Variants in MYOF observed in about 807,000 individuals in gnomAD.
The protein encoded by MYOF is fer-1-like 3, myoferlin.
A neutral mutation model predicts 284.2 loss-of-function variants in MYOF; 244 were observed. The observed-to-expected ratio is 0.86, with a 90% CI of 0.77 to 0.95. The LOEUF (loss-of-function observed/expected upper bound fraction) is 0.95. Ranked by LOEUF, MYOF falls within the 40% of genes least tolerant of loss-of-function variation. The probability of loss-of-function intolerance (pLI) is 0.00; values close to 1 mark genes in which losing one functional copy is unlikely to be tolerated. For missense variants in MYOF, 2,496 were observed against 2,560.6 expected (o/e 0.97, Z 0.54); for synonymous variants, 904 against 919.7 (o/e 0.98, Z 0.31).
intron 3 of MYOF, among the ~76,000 whole-genome samples, chr10:93,447,320 G>A (rs1234139697): frequency 6.6e-6 from 1 of 151,976 alleles, no homozygotes; most frequent in Non-Finnish European, 1.5e-5. Flanking sequence ...TTCCTTAAGG[G>A]CATGACTAGT....
intron 1 of MYOF, among the ~76,000 whole-genome samples, chr10:93,473,308 G>T (rs528920942): frequency 6.6e-6 from 1 of 152,204 alleles, no homozygotes; most frequent in East Asian, 1.9e-4. Flanking sequence ...TACCCACTTT[G>T]TCTTGGCCTT....
intron 1 of MYOF, among the ~76,000 whole-genome samples, chr10:93,470,281 T>C (rs2057113296): frequency 6.7e-6 from 1 of 150,092 alleles, no homozygotes; most frequent in African/African-American, 2.5e-5. Context: ...TAAAGGAATA[T>C]GTTAAAATTA....
intron 3 of MYOF, among the ~76,000 whole-genome samples, chr10:93,436,852 T>C (rs1849146969): frequency 6.6e-6 from 1 of 152,198 alleles, no homozygotes; most frequent in Non-Finnish European, 1.5e-5. Context: ...ACTAATGCTA[T>C]AAAAATGCTA....
chr10:93,419,151 C>T (rs1848252609), intron 5 of MYOF, among the ~76,000 whole-genome samples: 1 of 152,062 alleles, frequency 6.6e-6, no homozygotes. Flanking sequence ...CCCAAAATGC[C>T]CTTCCTTTTT....
intron 5 of MYOF, among the ~76,000 whole-genome samples, chr10:93,415,527 A>C (rs982104596): frequency 1.8e-4 from 27 of 152,204 alleles, no homozygotes; most frequent in African/African-American, 2.7e-4. Flanking sequence ...GCATCTTGAA[A>C]GCTTCCAACA....
At chr10:93,399,593 G>C (rs950809734) in intron 12 of MYOF, 98 bp from the exon 13 acceptor site, 5 of 786,086 alleles carry the variant, frequency 6.4e-6, no homozygotes, top group Non-Finnish European at 1.0e-5. Flanking sequence ...GTTGCAACAG[G>C]CTAGGCGCAG....
intron 2 of MYOF, among the ~76,000 whole-genome samples, chr10:93,454,752 A>G (rs1314115102): frequency 6.6e-6 from 1 of 152,052 alleles, no homozygotes; most frequent in Non-Finnish European, 1.5e-5. Flanking sequence ...CCAAGATGGG[A>G]AAATGGCTTG....
intron 1 of MYOF, among the ~76,000 whole-genome samples, chr10:93,458,743 A>G (rs2056805227): frequency 6.6e-6 from 1 of 152,176 alleles, no homozygotes; most frequent in Non-Finnish European, 1.5e-5. Flanking sequence ...ACAAAAAACA[A>G]ATAAGTCACC....
chr10:93,358,802 G>C (rs1012950954), intron 29 of MYOF, among the ~76,000 whole-genome samples: 4 of 152,192 alleles, frequency 2.6e-5, no homozygotes, highest in South Asian at 4.1e-4. Context: ...CCGGCGGGTG[G>C]AGGGAGCGCA....
intron 19 of MYOF, among the ~76,000 whole-genome samples, chr10:93,385,191 TG>T (rs1846306485): frequency 6.6e-6 from 1 of 152,122 alleles, no homozygotes; most frequent in African/African-American, 2.4e-5. Context: ...AGACAAAAAA[TG>T]GAGTCCTTTA....
At chr10:93,475,853 A>G (rs1251616960) in intron 1 of MYOF, among the ~76,000 whole-genome samples, 1 of 152,138 alleles carries the variant, frequency 6.6e-6, no homozygotes, top group East Asian at 1.9e-4. Context: ...CACGTTAATT[A>G]ATTTTTTAAG....
rs540011684 is a variant in MYOF, at chr10:93,404,584, G to T, written c.730-365C>A. On this transcript the variant is annotated intron_variant, in intron 7 of 53. Coordinates refer to ENST00000359263, the MANE Select transcript of MYOF (RefSeq NM_013451.4). ...AACACTCAGTAGGCTGAGATGGGAG[G>T]AGTGCTTGAGCCCAGGAGTTCAAGA... 1.3e-4 allele frequency among the ~76,000 whole-genome samples: 19 copies of T among 148,968 alleles called. No individual in the cohort carries two copies. The South Asian group carries it at 4.0e-3, about 31-fold the overall frequency.
intron 20 of MYOF, among the ~76,000 whole-genome samples, chr10:93,380,991 G>T (rs150310908): frequency 6.6e-6 from 1 of 152,300 alleles, no homozygotes; most frequent in Non-Finnish European, 1.5e-5. Flanking sequence ...GTGGGGAGAG[G>T]GTAGCATTGG....
intron 22 of MYOF, 134 bp from the exon 23 acceptor site, chr10:93,375,089 A>C: frequency 1.1e-6 from 1 of 885,994 alleles, no homozygotes; most frequent in Admixed American, 2.7e-5. Context: ...ATCTACAAGC[A>C]CTGCCTGGTT....
At chr10:93,386,875 C>T (rs1846395740) in intron 19 of MYOF, among the ~76,000 whole-genome samples, 1 of 152,168 alleles carries the variant, frequency 6.6e-6, no homozygotes, top group Non-Finnish European at 1.5e-5. Flanking sequence ...CGCTGGAGAA[C>T]TCACGGCAGT....
rs377387312 is a variant in MYOF at position 93,355,607 on chromosome 10, C to A, written c.3403+21G>T. On this transcript the variant is annotated intron_variant, in intron 31 of 53. Coordinates refer to ENST00000359263, the MANE Select transcript of MYOF (RefSeq NM_013451.4). ...AAAAATAAAATAAAATAAAATAAATCAAAAATAAAACAAAACTCACTGTCA... is the reference window on the plus strand; with the variant it reads ...AAAAATAAAATAAAATAAAATAAATAAAAAATAAAACAAAACTCACTGTCA... 205 of 1,322,392 alleles carry A rather than the reference C, an allele frequency of 1.6e-4. 1 individual carries two copies. The African/African-American group carries it at 2.0e-3, about 13-fold the overall frequency. 81.9% of individuals were successfully genotyped at this position (1,322,392 alleles called of 1,614,324 possible). A position where few individuals can be genotyped will look rare whatever the true frequency, so the allele number is the denominator to read the frequency against.
intron 43 of MYOF, among the ~76,000 whole-genome samples, chr10:93,333,012 T>C (rs1347808203): frequency 2.6e-5 from 4 of 152,212 alleles, no homozygotes; most frequent in South Asian, 2.1e-4. Context: ...CTGTCTACCC[T>C]GCAAGCTATC....
Position 93,351,652 on chromosome 10 carries a change from C to A in MYOF, c.3663+13G>T. On this transcript the variant is annotated intron_variant, in intron 33 of 53. Transcript: ENST00000359263. ...TCATCCCCAAGTTATCTTAGAAATTCTAAACGACCTACCACTTGGTCATTG... is the reference window on the plus strand; with the variant it reads ...TCATCCCCAAGTTATCTTAGAAATTATAAACGACCTACCACTTGGTCATTG... The A allele has an allele frequency of 5.7e-6, 9 of 1,590,610 alleles. No individual in the cohort carries two copies. The highest frequency in any genetic ancestry group is 7.7e-6 in the Non-Finnish European group (9 of 1,169,164).
At position 93,360,004 on chromosome 10, in the gene MYOF, C is replaced by T. The variant is rs41290198; in HGVS notation, c.2975-26G>A. The T allele has an allele frequency of 8.0e-4, 1,292 of 1,613,690 alleles. 2 individuals are homozygous for T. The highest frequency in any genetic ancestry group is 1.0e-3 in the Non-Finnish European group (1,215 of 1,179,764). On this transcript the variant is annotated intron_variant, in intron 28 of 53. Transcript: ENST00000359263. ...CTGGAACAGAGTTTGTGAATGGTTACCCAGAAGAGATGCATTTGCCAGATC... is the reference window on the plus strand; with the variant it reads ...CTGGAACAGAGTTTGTGAATGGTTATCCAGAAGAGATGCATTTGCCAGATC...
Sources: allele counts gnomAD v4.1 joint callset (sites outside exome capture counted in the v4.1 genomes callset), GRCh38; gene constraint gnomAD v4.1.1; transcripts MANE v1.5; gene names NCBI Gene and HGNC (gene_info 2026-07-23, HGNC 2026-07-21).